MIDEAS: variants seen among roughly 807,000 people sequenced by gnomAD.
MIDEAS encodes the protein mitotic deacetylase-associated SANT domain protein.
Under a neutral mutation model 102.7 loss-of-function variants are expected in MIDEAS, and 26 were observed. The ratio of observed to expected loss-of-function variants is 0.25; its 90% CI spans 0.19 to 0.35. The LOEUF (loss-of-function observed/expected upper bound fraction) is 0.35. MIDEAS is among the 10% of genes least tolerant of loss of function. MIDEAS has a pLI of 1.00. For synonymous variants in MIDEAS, 585 were observed against 591.0 expected (o/e 0.99, Z 0.15); for missense variants, 1,231 against 1,435.6 (o/e 0.86, Z 2.30).
intron 1 of MIDEAS, among the ~76,000 whole-genome samples, chr14:73,743,541 C>A (rs1221318743): frequency 2.6e-5 from 4 of 152,144 alleles, no homozygotes; most frequent in Non-Finnish European, 5.9e-5. Flanking sequence ...CTTCTCCCAG[C>A]CTGCAACTCG....
At chr14:73,769,245 T>C (rs1435623757) in intron 1 of MIDEAS, among the ~76,000 whole-genome samples, 6 of 151,766 alleles carry the variant, frequency 4.0e-5, no homozygotes, top group Non-Finnish European at 7.4e-5. Context: ...AGGTGAGGGG[T>C]GGGGCCAGTG....
At chr14:73,778,000 AG>A (rs1282928248) in intron 1 of MIDEAS, among the ~76,000 whole-genome samples, 1 of 151,994 alleles carries the variant, frequency 6.6e-6, no homozygotes, top group Non-Finnish European at 1.5e-5. Flanking sequence ...GTACACAGTA[AG>A]GGCTCAATAA....
At chr14:73,760,786 C>T (rs763251320), upstream of MIDEAS, among the ~76,000 whole-genome samples, 1 of 152,190 alleles carries the variant, frequency 6.6e-6, no homozygotes, top group African/African-American at 2.4e-5. The surrounding 1 kb of genome is among the most constrained non-coding windows in gnomAD (Gnocchi z 4.8). Context: ...AAAGGACCCA[C>T]CATCTCCATC....
At chr14:73,770,501 A>G (rs545741456) in intron 1 of MIDEAS, among the ~76,000 whole-genome samples, 3 of 152,226 alleles carry the variant, frequency 2.0e-5, no homozygotes, top group African/African-American at 7.2e-5. Context: ...AGGAATGTAA[A>G]CCGGGAGAGG....
At chr14:73,744,467 C>G (rs2053324078) in intron 1 of MIDEAS, among the ~76,000 whole-genome samples, 1 of 152,208 alleles carries the variant, frequency 6.6e-6, no homozygotes, top group African/African-American at 2.4e-5. Context: ...GACCCGAGGG[C>G]CCCCTGCCCT....
At chr14:73,773,095 C>A (rs2053656790) in intron 1 of MIDEAS, among the ~76,000 whole-genome samples, 1 of 148,604 alleles carries the variant, frequency 6.7e-6, no homozygotes, top group African/African-American at 2.4e-5. Flanking sequence ...ACCTCGGCCT[C>A]CCAAAGTGCT....
At chr14:73,770,559 A>G (rs191483708) in intron 1 of MIDEAS, among the ~76,000 whole-genome samples, 14 of 152,290 alleles carry the variant, frequency 9.2e-5, no homozygotes, top group African/African-American at 2.6e-4. Context: ...CCTACAGAGC[A>G]TCCCTTATCT....
At chr14:73,767,467 C>A (rs113045034) in intron 1 of MIDEAS, among the ~76,000 whole-genome samples, 24 of 151,686 alleles carry the variant, frequency 1.6e-4, no homozygotes, top group African/African-American at 5.1e-4. Flanking sequence ...CAAGACCTGT[C>A]TCGAAAAAAA....
chr14:73,779,799 G>A (rs42978), intron 1 of MIDEAS, among the ~76,000 whole-genome samples: 1 of 144,356 alleles, frequency 6.9e-6, no homozygotes, highest in African/African-American at 2.6e-5. Flanking sequence ...GGATGGTCTC[G>A]ATCTCCTGAC....
At chr14:73,743,765 G>A (rs2053312472) in intron 1 of MIDEAS, among the ~76,000 whole-genome samples, 1 of 152,140 alleles carries the variant, frequency 6.6e-6, no homozygotes, top group Non-Finnish European at 1.5e-5. Flanking sequence ...ACCAGCTGCA[G>A]GGCCTCTGAC....
chr14:73,754,129 C>T (rs1001443179), intron 1 of MIDEAS, among the ~76,000 whole-genome samples: 3 of 152,178 alleles, frequency 2.0e-5, no homozygotes, highest in African/African-American at 4.8e-5. Context: ...TTATTTTTGG[C>T]GCCTCTTCTG....
At chr14:73,727,035 C>A in intron 5 of MIDEAS, 63 bp from the exon 6 acceptor site, 1 of 1,535,600 alleles carries the variant, frequency 6.5e-7, no homozygotes, top group Non-Finnish European at 8.8e-7. Context: ...ACTTGATGAT[C>A]CCTCAGGGTG....
intron 1 of MIDEAS, among the ~76,000 whole-genome samples, chr14:73,773,252 A>G (rs2140170550): frequency 6.6e-6 from 1 of 152,002 alleles, no homozygotes; most frequent in East Asian, 1.9e-4. Flanking sequence ...CTACTCTTAT[A>G]ATGCACTTTT....
At position 73,719,459 on chromosome 14, in the gene MIDEAS, G is replaced by A. The variant is rs751281555; in HGVS notation, c.2980C>T (p.Pro994Ser). 9.3e-6 allele frequency: 15 copies of A among 1,614,020 alleles called. No individual in the cohort carries two copies. In the South Asian group the frequency reaches 1.6e-4, roughly 18 times the overall value. The change falls in exon 12 of 13, where the codon CCT (proline) becomes TCT (serine). Residue 994 changes from proline to serine, a missense_variant. Physicochemically the swap from Pro to Ser is moderately conservative, Grantham distance 74 (BLOSUM62 -1). Coordinates refer to ENST00000423556, the MANE Select transcript of MIDEAS (RefSeq NM_001367710.1). ...GAGGCCTGGCCACCGGCAGACCCAG[G>A]GGCGTTGGACTCGTGGCTCCGGAGG... ...LILRSHESNA[P>S]GSAGGQASEK...
chr14:73,727,321 C>T (rs2053075731), intron 5 of MIDEAS, 137 bp downstream of exon 5: 2 of 905,890 alleles, frequency 2.2e-6, no homozygotes, highest in Admixed American at 4.2e-5. Flanking sequence ...CCCAGGGCCA[C>T]ATACAGAAGC....
In MIDEAS at chr14:73,742,232, G is replaced by A. The variant is rs1005521172; in HGVS notation, c.-247-1977C>T. Among the ~76,000 whole-genome samples, 2 of 152,234 alleles carry A rather than the reference G, an allele frequency of 1.3e-5. No homozygotes were observed. The highest frequency in any genetic ancestry group is 2.4e-5 in the African/African-American group (1 of 41,464). On this transcript the variant is annotated intron_variant, in intron 1 of 12. Transcript: ENST00000423556. The surrounding 1 kb of genome is among the most constrained non-coding windows in gnomAD (Gnocchi z 4.4). ...AGCCCACGTGCCTCCAGGGGGCTGCGAGCCCCTCCAGTGGGCGCTCACACA... is the reference window on the plus strand; with the variant it reads ...AGCCCACGTGCCTCCAGGGGGCTGCAAGCCCCTCCAGTGGGCGCTCACACA...
intron 1 of MIDEAS, among the ~76,000 whole-genome samples, chr14:73,770,186 T>C (rs553219559): frequency 1.8e-4 from 27 of 152,278 alleles, no homozygotes; most frequent in Non-Finnish European, 3.5e-4. Flanking sequence ...GGTGAAGTCA[T>C]GTTAAGTGAC....
chr14:73,763,881 A>C (rs149349144), upstream of MIDEAS, among the ~76,000 whole-genome samples: 1 of 149,386 alleles, frequency 6.7e-6, no homozygotes, highest in Non-Finnish European at 1.5e-5. Flanking sequence ...TGTTCATTGC[A>C]TGAACAACGA....
upstream of MIDEAS, among the ~76,000 whole-genome samples, chr14:73,761,431 C>T (rs2053553655): frequency 6.6e-6 from 1 of 152,218 alleles, no homozygotes; most frequent in Non-Finnish European, 1.5e-5. Context: ...CACCTCTTTG[C>T]TGGCTGGAGC....
Sources: gnomAD v4.1 joint callset for allele counts (sites outside exome capture counted in the v4.1 genomes callset) on GRCh38, gnomAD v4.1.1 for gene constraint, Gnocchi (gnomAD v3.1) non-coding constraint, MANE v1.5 for transcripts, NCBI Gene and HGNC (gene_info 2026-07-23, HGNC 2026-07-21) for gene names.